The following NUP43 variants were observed in gnomAD, a reference collection of about 807,000 sequenced individuals.
NUP43 encodes the protein nucleoporin 43.
In NUP43, 32 loss-of-function variants were observed where a neutral mutation model predicts 47.3. The ratio of observed to expected loss-of-function variants is 0.68; its 90% CI spans 0.51 to 0.91. The LOEUF (loss-of-function observed/expected upper bound fraction) is 0.91. Ranked by LOEUF, NUP43 falls within the 40% of genes least tolerant of loss-of-function variation. The pLI is 0.00. For missense variants in NUP43, 444 were observed against 453.9 expected (o/e 0.98, Z 0.20); for synonymous variants, 147 against 158.4 (o/e 0.93, Z 0.54).
chr6:149,727,961 GCT>G (rs1214146399), intron 7 of NUP43: 2 of 985,028 alleles, frequency 2.0e-6, no homozygotes, highest in Non-Finnish European at 2.4e-6. Context: ...TGTGCTAAGT[GCT>G]CTGTGCCAAG....
rs530587112 is a variant in NUP43, at chr6:149,729,226, A to C, written c.914-2028T>G. 3.3e-5 allele frequency among the ~76,000 whole-genome samples: 5 copies of C among 152,272 alleles called. No individual in the cohort carries two copies. In the South Asian group the frequency reaches 1.0e-3, roughly 32 times the overall value. On this transcript the variant is annotated intron_variant, in intron 7 of 7. Transcript: ENST00000340413. ...AGGCTGGTCTTGAACTCCTGGCCTC[A>C]GGTCATCTGCCCACCTCGGCCTCCC...
At chr6:149,746,090 A>C (rs774553190) in intron 1 of NUP43, 28 bp from the exon 2 acceptor site, 4 of 1,605,406 alleles carry the variant, frequency 2.5e-6, no homozygotes, top group Non-Finnish European at 3.4e-6. Context: ...TTGTCTTGAG[A>C]TGACATAAAC....
chr6:149,748,959 C>A (rs147013175), upstream of NUP43, among the ~76,000 whole-genome samples: 602 of 152,108 alleles, frequency 4.0e-3, 3 homozygotes, highest in Non-Finnish European at 5.9e-3. Flanking sequence ...GAGCTGAGAG[C>A]AATAAAGCCA....
intron 5 of NUP43, 98 bp from the exon 6 acceptor site, chr6:149,736,720 C>T (rs1417556794): frequency 2.9e-6 from 3 of 1,020,110 alleles, no homozygotes; most frequent in African/African-American, 3.1e-5. Context: ...TGAGACAAGG[C>T]CTCACTTACC....
upstream of NUP43, chr6:149,746,644 GCA>G (rs758573124): frequency 6.3e-7 from 1 of 1,580,722 alleles, no homozygotes; most frequent in Non-Finnish European, 8.6e-7. Flanking sequence ...GCCAGTGTGG[GCA>G]CAGTCAGTAC....
At chr6:149,743,769 G>T in intron 2 of NUP43, 54 bp from the exon 3 acceptor site, 2 of 1,132,498 alleles carry the variant, frequency 1.8e-6, no homozygotes, top group African/African-American at 1.5e-5. Flanking sequence ...CAGGGAGGAA[G>T]TCCATTTGTT....
At chr6:149,729,533 AC>A in intron 7 of NUP43, 1 of 984,812 alleles carries the variant, frequency 1.0e-6, no homozygotes, top group East Asian at 1.1e-4. Context: ...TTCAGAACAA[AC>A]TTTTACAGCA....
rs552958613 is a variant in NUP43, at chr6:149,743,119, T to C, written c.321+519A>G. ...TGAACCAGAGAGATGCAGGTTGCAGTGAGCAGAGATCGCACCACTGCACTC... is the reference window on the plus strand; with the variant it reads ...TGAACCAGAGAGATGCAGGTTGCAGCGAGCAGAGATCGCACCACTGCACTC... On this transcript the variant is annotated intron_variant, in intron 3 of 7. Transcript: ENST00000340413. Among the ~76,000 whole-genome samples the C allele has an allele frequency of 6.6e-5, 10 of 151,096 alleles. No individual in the cohort carries two copies. The South Asian group carries it at 1.5e-3, about 22-fold the overall frequency.
intron 4 of NUP43, among the ~76,000 whole-genome samples, chr6:149,741,783 G>A (rs930762052): frequency 2.0e-5 from 3 of 152,170 alleles, no homozygotes; most frequent in African/African-American, 7.2e-5. Context: ...GGGGTAACAG[G>A]CATGAGCCAC....
chr6:149,729,492 A>T, intron 7 of NUP43: 1 of 983,424 alleles, frequency 1.0e-6, no homozygotes, highest in Non-Finnish European at 1.2e-6. Context: ...TGGTAGTTTC[A>T]GCCTGGTTGA....
At chr6:149,745,893 T>C in intron 2 of NUP43, 47 bp downstream of exon 2, 1 of 1,537,586 alleles carries the variant, frequency 6.5e-7, no homozygotes, top group Non-Finnish European at 8.8e-7. Context: ...TTTAAATGTA[T>C]TACTCAGGAC....
At chr6:149,748,808 C>CAAAAAAAAAA (rs1161065299), upstream of NUP43, among the ~76,000 whole-genome samples, 1 of 87,348 alleles carries the variant, frequency 1.1e-5, no homozygotes, top group South Asian at 3.7e-4. Context: ...GACTCCGTCT[C>CAAAAAAAAAA]AAAAAAAAAA....
Position 149,726,933 on chromosome 6 carries a change from G to T in NUP43, c.*36C>A. 6.5e-7 allele frequency: 1 copy of T among 1,528,074 alleles called. No homozygotes were observed. The highest frequency in any genetic ancestry group is 1.7e-5 in the Admixed American group (1 of 58,952). The allele number at this position is 1,528,074 out of a possible 1,614,324, so 94.7% of individuals were successfully genotyped here. On this transcript the variant is annotated 3_prime_UTR_variant, in exon 8 of 8. Coordinates refer to ENST00000340413, the MANE Select transcript of NUP43 (RefSeq NM_198887.3). ...GAAGTTGGATTTCAAAAGGCTAATT[G>T]CATGTTCTATCTGAAATCTTATAAT...
chr6:149,746,252 G>A, intron 1 of NUP43, 124 bp downstream of exon 1: 3 of 1,441,010 alleles, frequency 2.1e-6, no homozygotes, highest in Admixed American at 1.9e-5. Flanking sequence ...GCCTGAGACA[G>A]GGGTCCGGGG....
chr6:149,735,256 C>T (rs530779754), intron 6 of NUP43, among the ~76,000 whole-genome samples: 1 of 152,098 alleles, frequency 6.6e-6, no homozygotes, highest in South Asian at 2.1e-4. Flanking sequence ...GGTTATGTTG[C>T]CTAAGCTGGC....
At chr6:149,740,908 T>C (rs1207228764) in intron 4 of NUP43, among the ~76,000 whole-genome samples, 1 of 152,168 alleles carries the variant, frequency 6.6e-6, no homozygotes, top group Non-Finnish European at 1.5e-5. Context: ...GGTCAAACTA[T>C]ACTTTTTGTC....
intron 6 of NUP43, among the ~76,000 whole-genome samples, chr6:149,733,017 T>C (rs574180714): frequency 6.6e-6 from 1 of 152,192 alleles, no homozygotes; most frequent in African/African-American, 2.4e-5. Flanking sequence ...CTCCCAAAAG[T>C]GCTGGAATTA....
chr6:149,738,771 T>A lies in NUP43; in HGVS notation c.510A>T (p.Ala170=), dbSNP rs747066775. The change falls in exon 5 of 8, where the codon GCA becomes GCT. Residue 170 remains alanine (A), a synonymous_variant. Coordinates refer to ENST00000340413, the MANE Select transcript of NUP43 (RefSeq NM_198887.3). ...HKEAVRTIDN[A]DSSTLHAVTF... ...TTACAGCATGGAGTGTACTACTATC[T>A]GCATTGTCTAAAAATTTAAAAAATG... 1 of 1,498,584 alleles carries A rather than the reference T, an allele frequency of 6.7e-7. No homozygotes were observed. The highest frequency in any genetic ancestry group is 8.9e-7 in the Non-Finnish European group (1 of 1,125,292). The allele number at this position is 1,498,584 out of a possible 1,614,324, so 92.8% of individuals were successfully genotyped here. A position where few individuals can be genotyped will look rare whatever the true frequency, so the allele number is the denominator to read the frequency against.
chr6:149,738,127 T>C (rs1330283153), intron 5 of NUP43, among the ~76,000 whole-genome samples: 2 of 152,248 alleles, frequency 1.3e-5, no homozygotes, highest in Admixed American at 6.5e-5. Context: ...GACAATCCGA[T>C]GGTAAGATGT....
Sources: gnomAD v4.1 joint callset for allele counts (sites outside exome capture counted in the v4.1 genomes callset) on GRCh38, gnomAD v4.1.1 for gene constraint, MANE v1.5 for transcripts, NCBI Gene and HGNC (gene_info 2026-07-23, HGNC 2026-07-21) for gene names.